Variants in SLC16A1 observed in about 807,000 individuals in gnomAD.
The protein encoded by SLC16A1 is solute carrier family 16 member 1.
In SLC16A1, 11 loss-of-function variants were observed where a neutral mutation model predicts 32.2. The ratio of observed to expected loss-of-function variants is 0.34; its 90% CI spans 0.21 to 0.56. SLC16A1 has a LOEUF of 0.56. SLC16A1 is among the 20% of genes least tolerant of loss of function. The pLI is 0.87. For synonymous variants in SLC16A1, 231 were observed against 226.8 expected (o/e 1.02, Z -0.17); for missense variants, 435 against 615.0 (o/e 0.71, Z 3.10).
At chr1:112,949,859 T>A (rs1649829802) in intron 1 of SLC16A1, among the ~76,000 whole-genome samples, 1 of 152,118 alleles carries the variant, frequency 6.6e-6, no homozygotes. Context: ...TTTAAATGCA[T>A]AAAATAAAAT....
At chr1:112,920,740 C>A (rs940464828) in intron 3 of SLC16A1, among the ~76,000 whole-genome samples, 4 of 151,950 alleles carry the variant, frequency 2.6e-5, no homozygotes. Flanking sequence ...GGATGACATA[C>A]AAGATGGAAA....
At chr1:112,940,258 G>C (rs1168736451) in intron 1 of SLC16A1, among the ~76,000 whole-genome samples, 4 of 151,842 alleles carry the variant, frequency 2.6e-5, no homozygotes, top group African/African-American at 7.3e-5. Flanking sequence ...GGCTGGTCTT[G>C]AACGCCTGGG....
chr1:112,956,114 G>C lies in SLC16A1; in HGVS notation c.-124C>G. Reference sequence around the variant, plus strand: ...TGGAGTTCCACGGGGCCCAGGGTCCGGCTCCCGTCCTTCGCTCGCTGCCTC... The same window carrying C: ...TGGAGTTCCACGGGGCCCAGGGTCCCGCTCCCGTCCTTCGCTCGCTGCCTC... On this transcript the variant is annotated 5_prime_UTR_variant, in exon 1 of 5. Coordinates refer to ENST00000369626, the MANE Select transcript of SLC16A1 (RefSeq NM_003051.4). 1 of 152,524 alleles carries C rather than the reference G, an allele frequency of 6.6e-6. No homozygotes were observed. The highest frequency in any genetic ancestry group is 1.9e-4 in the East Asian group (1 of 5,178). 9.4% of individuals were successfully genotyped at this position (152,524 alleles called of 1,614,324 possible). A position where few individuals can be genotyped will look rare whatever the true frequency, so the allele number is the denominator to read the frequency against.
In SLC16A1 at chr1:112,917,788, C is replaced by G. The variant is rs1648568755; in HGVS notation, c.618G>C (p.Gly206=). The G allele has an allele frequency of 6.2e-7, 1 of 1,614,092 alleles. No homozygotes were observed. ...CAAGGGATGCTTTAGACTTATCTTT[C>G]CCTGCCTTGGTTGGCTTGGGCCCGA... ...RPIGPKPTKA[G]KDKSKASLEK... is the part of the protein sequence containing the mutation. The change falls in exon 4 of 5, where the codon GGG becomes GGC. Residue 206 remains glycine (G), a synonymous_variant. Coordinates refer to ENST00000369626, the MANE Select transcript of SLC16A1 (RefSeq NM_003051.4). This position sits in a 1 kb window ranked among gnomAD's most constrained non-coding sequence, Gnocchi z 4.1.
chr1:112,949,222 T>C (rs564429322), intron 1 of SLC16A1, among the ~76,000 whole-genome samples: 1 of 152,180 alleles, frequency 6.6e-6, no homozygotes, highest in African/African-American at 2.4e-5. Context: ...GCTAATTTTG[T>C]ATTTTTAGTA....
chr1:112,944,583 TTA>T (rs1649628230), intron 1 of SLC16A1, among the ~76,000 whole-genome samples: 1 of 152,374 alleles, frequency 6.6e-6, no homozygotes, highest in Admixed American at 6.5e-5. Context: ...TTAAAGTTAT[TTA>T]TGTTTTGATG....
chr1:112,955,043 T>C (rs533089370), intron 1 of SLC16A1, among the ~76,000 whole-genome samples: 15 of 152,180 alleles, frequency 9.9e-5, no homozygotes, highest in African/African-American at 3.4e-4. Flanking sequence ...GTAAATAAAG[T>C]AGCTTAGTAA....
chr1:112,934,648 C>A (rs1276156606), intron 1 of SLC16A1, among the ~76,000 whole-genome samples: 1 of 152,074 alleles, frequency 6.6e-6, no homozygotes, highest in Non-Finnish European at 1.5e-5. Flanking sequence ...AGGCAAACTT[C>A]TTTGTCTTAG....
intron 4 of SLC16A1, among the ~76,000 whole-genome samples, chr1:112,916,839 G>C (rs1648529072): frequency 2.6e-5 from 4 of 152,040 alleles, no homozygotes; most frequent in Admixed American, 2.6e-4. Flanking sequence ...TGAGGCAGGG[G>C]AATCGCTTGA....
chr1:112,940,481 G>A (rs1327122029), intron 1 of SLC16A1, among the ~76,000 whole-genome samples: 2 of 152,088 alleles, frequency 1.3e-5, no homozygotes, highest in Non-Finnish European at 2.9e-5. Flanking sequence ...GATCACAAAC[G>A]TGACTAAATT....
chr1:112,928,981 A>G (rs1452738198), intron 2 of SLC16A1, 111 bp downstream of exon 2: 1 of 793,214 alleles, frequency 1.3e-6, no homozygotes, highest in African/African-American at 1.8e-5. Context: ...AAGAAATAAC[A>G]TTTCAAAACA....
chr1:112,949,845 T>A (rs1570648273), intron 1 of SLC16A1, among the ~76,000 whole-genome samples: 3 of 152,264 alleles, frequency 2.0e-5, no homozygotes, highest in African/African-American at 7.2e-5. Flanking sequence ...GACAGAATAA[T>A]GTTTTTAAAT....
rs1404515134 is a variant in SLC16A1, at chr1:112,929,263, C to T, written c.46G>A (p.Gly16Arg). ...ATTACCACTGCCCAGCCCCAGCCTC[C>T]ATCTGGGGGGGTGTATCCAACTGGA... ...GGPVGYTPPD[G>R]GWGWAVVIGA... is the part of the protein sequence containing the mutation. The change falls in exon 2 of 5, where the codon GGA (glycine) becomes AGA (arginine). Residue 16 changes from glycine (G) to arginine (R), a missense_variant. Physicochemically the swap from Gly to Arg is moderately radical, Grantham distance 125 (BLOSUM62 -2). Around this residue, in one of 2 missense-constraint regions of SLC16A1, gnomAD observed 324 missense variants for 500.3 expected, o/e 0.65. Transcript: ENST00000369626. 10 of 1,614,002 alleles carry T rather than the reference C, an allele frequency of 6.2e-6. No homozygotes were observed. The highest frequency in any genetic ancestry group is 8.5e-6 in the Non-Finnish European group (10 of 1,180,034).
At chr1:112,922,765 ACT>A (rs573994731) in intron 2 of SLC16A1, among the ~76,000 whole-genome samples, 45 of 152,060 alleles carry the variant, frequency 3.0e-4, no homozygotes, top group Non-Finnish European at 5.7e-4. Context: ...ATAGAGTGAG[ACT>A]CTGTCTCAAA....
At chr1:112,952,407 T>C (rs1282163994) in intron 1 of SLC16A1, among the ~76,000 whole-genome samples, 2 of 152,128 alleles carry the variant, frequency 1.3e-5, no homozygotes, top group African/African-American at 4.8e-5. Flanking sequence ...GATTAAAAAG[T>C]TTAAGAGACA....
chr1:112,932,919 C>T (rs1649186603), intron 1 of SLC16A1, among the ~76,000 whole-genome samples: 1 of 151,648 alleles, frequency 6.6e-6, no homozygotes, highest in African/African-American at 2.4e-5. Flanking sequence ...TTGACTAGGT[C>T]TTAGGATACA....
intron 1 of SLC16A1, among the ~76,000 whole-genome samples, chr1:112,932,323 A>G (rs985488478): frequency 6.6e-6 from 1 of 152,180 alleles, no homozygotes; most frequent in Non-Finnish European, 1.5e-5. Context: ...TCGTTTGAGG[A>G]CAAAAATTCA....
intron 2 of SLC16A1, chr1:112,924,081 A>G (rs772645080): frequency 1.1e-5 from 14 of 1,297,590 alleles, no homozygotes; most frequent in South Asian, 4.7e-5. Flanking sequence ...CTTCGATGGC[A>G]TTGCCCTGGT....
Position 112,917,503 on chromosome 1 carries a change from A to G in SLC16A1, c.903T>C (p.Leu301=). The change falls in exon 4 of 5, where the codon CTT becomes CTC. Residue 301 remains leucine, a synonymous_variant. Coordinates refer to ENST00000369626, the MANE Select transcript of SLC16A1 (RefSeq NM_003051.4). The surrounding 1 kb of genome is among the most constrained non-coding windows in gnomAD (Gnocchi z 4.1). ...TGTCAACAAAAGCCAGAATGGAAAG[A>G]AGGAAGGCAGACTTCTCACTAGAAT... is the stretch of plus-strand genomic sequence containing the variant. ...QHYSSEKSAF[L]LSILAFVDMV... is the part of the protein sequence containing the mutation. The G allele has an allele frequency of 6.2e-7, 1 of 1,614,200 alleles. No individual in the cohort carries two copies. The highest frequency in any genetic ancestry group is 8.5e-7 in the Non-Finnish European group (1 of 1,180,026).
Sources: gnomAD v4.1 joint callset for allele counts (sites outside exome capture counted in the v4.1 genomes callset) on GRCh38, gnomAD v4.1.1 for gene constraint, gnomAD v4.1.1 regional missense constraint, Gnocchi (gnomAD v3.1) non-coding constraint, MANE v1.5 for transcripts, NCBI Gene and HGNC (gene_info 2026-07-23, HGNC 2026-07-21) for gene names.